Variants in PHF20 observed in about 807,000 individuals in gnomAD.
The protein encoded by PHF20 is PHD finger protein 20.
PHF20 carries 23 observed loss-of-function variants against 113.5 expected under a neutral mutation model. That is an observed-to-expected ratio of 0.20 (90% CI 0.15 to 0.29). The LOEUF is 0.29. Among genes scored for constraint, PHF20 ranks in the 10% least tolerant of loss-of-function variants. The pLI is 1.00. For missense variants in PHF20, 943 were observed against 1,219.6 expected, an observed-to-expected ratio of 0.77 and a Z score of 3.38; for synonymous variants, 434 against 457.3, an observed-to-expected ratio of 0.95 and a Z score of 0.65.
intron 9 of PHF20, among the ~76,000 whole-genome samples, chr20:35,881,031 C>A (rs1257211846): frequency 6.8e-6 from 1 of 148,076 alleles, no homozygotes; most frequent in African/African-American, 2.5e-5. Flanking sequence ...AAGTTCCAGA[C>A]CTTTATCTCT....
intron 13 of PHF20, among the ~76,000 whole-genome samples, chr20:35,924,681 C>T (rs1206363420): frequency 6.6e-6 from 1 of 151,976 alleles, no homozygotes; most frequent in East Asian, 1.9e-4. Flanking sequence ...CAACCTTCCT[C>T]TCCTGGGTTC....
intron 9 of PHF20, among the ~76,000 whole-genome samples, chr20:35,888,230 C>T (rs1288869004): frequency 3.3e-5 from 5 of 152,168 alleles, no homozygotes; most frequent in East Asian, 1.9e-4. Flanking sequence ...ACCCACCCAC[C>T]TTGACCTCTC....
At chr20:35,780,221 C>CTTTTTTTTTTTTTTTTTTTTTTT (rs930285446) in intron 1 of PHF20, among the ~76,000 whole-genome samples, 3 of 123,270 alleles carry the variant, frequency 2.4e-5, no homozygotes, top group African/African-American at 6.2e-5. Context: ...CCCCAGATTT[C>CTTTTTTTTTTTTTTTTTTTTTTT]TTTTTTTTTT....
rs56655276 is a variant in PHF20 at position 35,857,562 on chromosome 20, C to CTTTTT, written c.341-720_341-716dup. 5.7e-4 allele frequency among the ~76,000 whole-genome samples: 57 copies of CTTTTT among 99,678 alleles called. 2 individuals carry two copies. Among genetic ancestry groups the CTTTTT allele is most frequent in the South Asian group, 3.7e-3 (9 of 2,424 alleles). The allele number at this position is 99,678 out of a possible 152,430, so 65.4% of individuals were successfully genotyped here. A position where few individuals can be genotyped will look rare whatever the true frequency, so the allele number is the denominator to read the frequency against. The stretch of plus-strand genomic sequence containing the variant: ...CAATACCTTTAGCTGAATGATGTTC[C>CTTTTT]TTTTTTTTTTTTTTTTTTTTTTTTG... On this transcript the variant is annotated intron_variant, in intron 4 of 17. Coordinates refer to ENST00000374012, the MANE Select transcript of PHF20 (RefSeq NM_016436.5).
rs1214043349 is a variant in PHF20 at position 35,815,810 on chromosome 20, C to T, written c.83+14205C>T. On this transcript the variant is annotated intron_variant, in intron 2 of 17. Coordinates refer to ENST00000374012, the MANE Select transcript of PHF20 (RefSeq NM_016436.5). ...TGGGAGGCCTAGGTAAGAGGATCAC[C>T]TGAGCCCAGAAGGCAGAAGTTGTAG... Among the ~76,000 whole-genome samples the T allele has an allele frequency of 3.3e-5, 5 of 152,018 alleles. No homozygotes were observed. In the East Asian group the frequency reaches 9.7e-4, roughly 29 times the overall value.
At chr20:35,813,959 G>GAAAAAAAAAAAA (rs2042022207) in intron 2 of PHF20, among the ~76,000 whole-genome samples, 2 of 136,168 alleles carry the variant, frequency 1.5e-5, no homozygotes, top group Admixed American at 7.5e-5. Context: ...AAAAAAAAAG[G>GAAAAAAAAAAAA]AAATTGACCT....
intron 17 of PHF20, among the ~76,000 whole-genome samples, chr20:35,946,031 C>T (rs906594459): frequency 6.6e-6 from 1 of 151,660 alleles, no homozygotes; most frequent in East Asian, 1.9e-4. Flanking sequence ...ATTAGCCAGG[C>T]GTGGTGGTGT....
chr20:35,911,444 G>A (rs142173955), intron 10 of PHF20, among the ~76,000 whole-genome samples: 1 of 152,246 alleles, frequency 6.6e-6, no homozygotes, highest in Admixed American at 6.5e-5. Context: ...TTCAGTTTGG[G>A]GCGATTACAA....
intron 17 of PHF20, among the ~76,000 whole-genome samples, chr20:35,943,782 G>A (rs2147136256): frequency 6.7e-6 from 1 of 150,142 alleles, no homozygotes; most frequent in South Asian, 2.1e-4. Context: ...CGCCATGCCT[G>A]GCTAATTTTT....
chr20:35,801,437 A>G (rs1600749462), intron 1 of PHF20, 54 bp from the exon 2 acceptor site: 1 of 872,004 alleles, frequency 1.1e-6, no homozygotes, highest in African/African-American at 1.7e-5. Context: ...GAATGATGCT[A>G]CACTCTGGGT....
chr20:35,878,225 C>T (rs772690285), intron 9 of PHF20, among the ~76,000 whole-genome samples: 4 of 152,096 alleles, frequency 2.6e-5, no homozygotes, highest in East Asian at 1.9e-4. Flanking sequence ...GAGATGAATG[C>T]GACATCTGTT....
At chr20:35,909,453 A>C (rs746026916) in intron 10 of PHF20, among the ~76,000 whole-genome samples, 4 of 152,040 alleles carry the variant, frequency 2.6e-5, no homozygotes, top group Non-Finnish European at 5.9e-5. Context: ...TGGTAGTCAA[A>C]CTGTGTAAAA....
chr20:35,830,074 T>C (rs2425156), intron 2 of PHF20, among the ~76,000 whole-genome samples: 37,668 of 152,008 alleles, frequency 0.25, 5,524 homozygotes, highest in African/African-American at 0.41. Flanking sequence ...CCGCCATGCC[T>C]GGCTAATTTT....
At chr20:35,854,240 G>T (rs1207095157) in intron 4 of PHF20, among the ~76,000 whole-genome samples, 2 of 152,140 alleles carry the variant, frequency 1.3e-5, no homozygotes, top group Non-Finnish European at 2.9e-5. Context: ...GTTACTGACT[G>T]CTATAAGATT....
At chr20:35,879,586 T>C (rs1182347017) in intron 9 of PHF20, among the ~76,000 whole-genome samples, 7 of 152,108 alleles carry the variant, frequency 4.6e-5, no homozygotes, top group Admixed American at 6.6e-5. Context: ...GGCCAGACAG[T>C]GTACCCAAAC....
intron 16 of PHF20, among the ~76,000 whole-genome samples, 153 bp from the exon 17 acceptor site, chr20:35,940,711 G>A (rs1432849850): frequency 6.6e-6 from 1 of 152,158 alleles, no homozygotes; most frequent in East Asian, 1.9e-4. Context: ...GCAAGCTCCT[G>A]CCCAGTTCCT....
chr20:35,807,433 A>G (rs1600760188), intron 2 of PHF20, among the ~76,000 whole-genome samples: 1 of 149,764 alleles, frequency 6.7e-6, no homozygotes, highest in Admixed American at 6.7e-5. Context: ...GCTCACTGCA[A>G]CCTCCGCCTC....
chr20:35,857,578 T>TTG (rs1568660971), intron 4 of PHF20, among the ~76,000 whole-genome samples: 1 of 142,470 alleles, frequency 7.0e-6, no homozygotes, highest in African/African-American at 2.6e-5. Context: ...TTTTTTTTTT[T>TTG]TTTTTTTTGT....
At chr20:35,911,749 C>T (rs1033903050) in intron 10 of PHF20, among the ~76,000 whole-genome samples, 2 of 152,136 alleles carry the variant, frequency 1.3e-5, no homozygotes, top group African/African-American at 4.8e-5. Context: ...ACCTCCGCCT[C>T]CCCGATTCGA....
Sources: allele counts gnomAD v4.1 joint callset (sites outside exome capture counted in the v4.1 genomes callset), GRCh38; gene constraint gnomAD v4.1.1; transcripts MANE v1.5; gene names NCBI Gene and HGNC (gene_info 2026-07-23, HGNC 2026-07-21).